IL1RAPL1: variants seen among roughly 807,000 people sequenced by gnomAD.
IL1RAPL1 encodes interleukin 1 receptor accessory protein like 1, also known as interleukin-1 receptor accessory protein-like 1.
In IL1RAPL1, 3 loss-of-function variants were observed where a neutral mutation model predicts 48.4. The observed-to-expected ratio is 0.06, with a 90% CI of 0.03 to 0.16. The LOEUF (loss-of-function observed/expected upper bound fraction) is 0.16. Among genes scored for constraint, IL1RAPL1 ranks in the 10% least tolerant of loss-of-function variants. IL1RAPL1 has a pLI of 1.00. For synonymous variants in IL1RAPL1, 185 were observed against 187.7 expected (o/e 0.99, Z 0.12); for missense variants, 349 against 530.6 (o/e 0.66, Z 3.36).
chrX:29,711,069 T>TATGCACACACACAC (rs1555913970), intron 6 of IL1RAPL1, among the ~76,000 whole-genome samples: 2 of 86,449 alleles, frequency 2.3e-5, no homozygotes, highest in Non-Finnish European at 4.4e-5. Context: ...TGTGTGTGTA[T>TATGCACACACACAC]ACACACACAC....
At chrX:28,907,345 C>T (rs1009038357) in intron 2 of IL1RAPL1, among the ~76,000 whole-genome samples, 2 of 111,992 alleles carry the variant, frequency 1.8e-5, no homozygotes, top group Non-Finnish European at 3.8e-5. Context: ...ACCTCTGCCT[C>T]CCGGGTTTGA....
intron 1 of IL1RAPL1, among the ~76,000 whole-genome samples, chrX:28,776,350 A>G (rs1245371061): frequency 8.9e-6 from 1 of 111,910 alleles, no homozygotes; most frequent in Non-Finnish European, 1.9e-5. Context: ...TTAAGAAGCA[A>G]CAAGATCAAA....
intron 2 of IL1RAPL1, among the ~76,000 whole-genome samples, chrX:29,176,884 T>C (rs1281934556): frequency 9.0e-6 from 1 of 111,306 alleles, no homozygotes; most frequent in African/African-American, 3.3e-5. Context: ...TCAAATGAGG[T>C]TGACAAAAAC....
chrX:29,410,150 C>T (rs1027959330), intron 5 of IL1RAPL1, among the ~76,000 whole-genome samples: 2 of 109,856 alleles, frequency 1.8e-5, no homozygotes, highest in Non-Finnish European at 3.8e-5. Flanking sequence ...ATAACCTCAA[C>T]TTACTCACCC....
At chrX:29,207,826 G>A (rs1336692473) in intron 2 of IL1RAPL1, among the ~76,000 whole-genome samples, 2 of 112,010 alleles carry the variant, frequency 1.8e-5, no homozygotes, top group African/African-American at 3.2e-5. Context: ...GAAGGAAGAC[G>A]TTAATATCAA....
intron 6 of IL1RAPL1, among the ~76,000 whole-genome samples, chrX:29,789,836 T>C (rs1239130222): frequency 9.4e-6 from 1 of 106,812 alleles, no homozygotes; most frequent in Non-Finnish European, 1.9e-5. Context: ...GTTGACTATC[T>C]AGCTCATAAT....
At chrX:29,033,279 T>G (rs1325710167) in intron 2 of IL1RAPL1, among the ~76,000 whole-genome samples, 1 of 111,467 alleles carries the variant, frequency 9.0e-6, no homozygotes, top group Non-Finnish European at 1.9e-5. Flanking sequence ...ACAATAAATA[T>G]TTCATGATGG....
intron 6 of IL1RAPL1, among the ~76,000 whole-genome samples, chrX:29,914,824 A>G (rs1235822033): frequency 7.1e-5 from 8 of 112,830 alleles, no homozygotes; most frequent in Non-Finnish European, 1.5e-4. Context: ...AATCAATGGA[A>G]TTGACATTTA....
chrX:29,845,831 A>G (rs1931235291), intron 6 of IL1RAPL1, among the ~76,000 whole-genome samples: 1 of 111,346 alleles, frequency 9.0e-6, no homozygotes, highest in South Asian at 3.9e-4. Flanking sequence ...ACAATCATGC[A>G]GAAAGGCAAA....
intron 2 of IL1RAPL1, among the ~76,000 whole-genome samples, chrX:29,029,743 A>T (rs1414634466): frequency 8.9e-6 from 1 of 111,898 alleles, no homozygotes; most frequent in Non-Finnish European, 1.9e-5. Context: ...AGGTTTGATT[A>T]TAAAGTCCAT....
intron 3 of IL1RAPL1, among the ~76,000 whole-genome samples, chrX:29,357,971 CTGTT>C (rs1361612794): frequency 9.0e-6 from 1 of 111,257 alleles, no homozygotes; most frequent in East Asian, 2.8e-4. Context: ...CAAGGCCTGT[CTGTT>C]CAGATTCTTG....
intron 3 of IL1RAPL1, among the ~76,000 whole-genome samples, chrX:29,381,831 AAAATATATATATATATATATAT>A (rs1933711396): frequency 1.2e-4 from 3 of 25,794 alleles, no homozygotes; most frequent in Non-Finnish European, 2.8e-4. Context: ...AAAAAAAAAA[AAAATATATATATATATATATAT>A]ATATATATAT....
At chrX:29,057,428 CT>C (rs1927242098) in intron 2 of IL1RAPL1, among the ~76,000 whole-genome samples, 2 of 97,640 alleles carry the variant, frequency 2.0e-5, no homozygotes, top group Non-Finnish European at 4.1e-5. Context: ...TTTTTTTTTT[CT>C]TTTTTTTTCT....
Position 29,901,136 on chromosome X carries a change from G to A in IL1RAPL1, c.779-16328G>A, listed in dbSNP as rs73221618. On this transcript the variant is annotated intron_variant, in intron 6 of 10. Coordinates refer to ENST00000378993, the MANE Select transcript of IL1RAPL1 (RefSeq NM_014271.4). ...AAGGGAAAAATAAACTCCAGGGCAT[G>A]CAGCTTTATCATAAAGGAAATGACC... Among the ~76,000 whole-genome samples the A allele has an allele frequency of 3.4e-3, 383 of 111,567 alleles. 1 individual carries two copies. Among genetic ancestry groups the A allele is most frequent in the Middle Eastern group, 0.032 (7 of 216 alleles).
At position 29,417,168 on chromosome X, in the gene IL1RAPL1, T is replaced by C. The variant is rs1360653590; in HGVS notation, c.703+17860T>C. Reference sequence around the variant, plus strand: ...GCCTTTATCACAATATTGAAGGCTCTTTCTTGATGATAAAACCAAGAGGTA... The same window carrying C: ...GCCTTTATCACAATATTGAAGGCTCCTTCTTGATGATAAAACCAAGAGGTA... On this transcript the variant is annotated intron_variant, in intron 5 of 10. Transcript: ENST00000378993. Among the ~76,000 whole-genome samples the C allele has an allele frequency of 3.6e-5, 4 of 112,084 alleles. No individual in the cohort carries two copies. The East Asian group carries it at 1.1e-3, about 31-fold the overall frequency.
chrX:29,653,801 A>G (rs1367749892), intron 5 of IL1RAPL1, among the ~76,000 whole-genome samples: 1 of 111,269 alleles, frequency 9.0e-6, no homozygotes, highest in Non-Finnish European at 1.9e-5. Context: ...TAAATGAATC[A>G]TAACAATTAG....
intron 1 of IL1RAPL1, among the ~76,000 whole-genome samples, chrX:28,761,382 A>G (rs769251941): frequency 8.9e-6 from 1 of 112,005 alleles, no homozygotes; most frequent in Non-Finnish European, 1.9e-5. Context: ...AAATTGTGGT[A>G]CATATACACT....
At chrX:29,691,390 T>C (rs1926766571) in intron 6 of IL1RAPL1, among the ~76,000 whole-genome samples, 1 of 111,834 alleles carries the variant, frequency 8.9e-6, no homozygotes, top group African/African-American at 3.3e-5. Context: ...TCAAGAGTTA[T>C]CAGGTATTTA....
At chrX:28,808,644 A>G (rs991483372) in intron 2 of IL1RAPL1, among the ~76,000 whole-genome samples, 1 of 111,341 alleles carries the variant, frequency 9.0e-6, no homozygotes, top group South Asian at 3.7e-4. Context: ...GGCTTTTAAT[A>G]TGAAAATATT....
Sources: allele counts gnomAD v4.1 joint callset (sites outside exome capture counted in the v4.1 genomes callset), GRCh38; gene constraint gnomAD v4.1.1; transcripts MANE v1.5; gene names NCBI Gene and HGNC (gene_info 2026-07-23, HGNC 2026-07-21).